EPHB4: variants seen among roughly 807,000 people sequenced by gnomAD.
EPHB4 encodes the protein EPH receptor B4, also known as ephrin type-B receptor 4.
Under a neutral mutation model 110.6 loss-of-function variants are expected in EPHB4, and 50 were observed. That is an observed-to-expected ratio of 0.45 (90% CI 0.36 to 0.57). The LOEUF (loss-of-function observed/expected upper bound fraction) is 0.57, where lower values mean the gene tolerates loss of function less well. Among genes scored for constraint, EPHB4 ranks in the 20% least tolerant of loss-of-function variants. EPHB4 has a pLI of 0.00. For missense variants in EPHB4, 1,128 were observed against 1,382.1 expected (o/e 0.82, Z 2.91); for synonymous variants, 592 against 578.4 (o/e 1.02, Z -0.34).
At position 100,813,061 on chromosome 7, in the gene EPHB4, G is replaced by T. The variant is rs201630645; in HGVS notation, c.1870+34C>A. On this transcript the variant is annotated intron_variant, in intron 11 of 16. Coordinates refer to ENST00000358173, the MANE Select transcript of EPHB4 (RefSeq NM_004444.5). ...GTGTGGCCCTGCCCACCCCCGCTTC[G>T]TTCCCAGGTGCCCGGGCAGCCTTCG... 27 of 1,612,924 alleles carry T rather than the reference G, an allele frequency of 1.7e-5. No homozygotes were observed. The African/African-American group carries it at 2.1e-4, about 13-fold the overall frequency.
intron 5 of EPHB4, 109 bp from the exon 6 acceptor site, chr7:100,819,998 G>C: frequency 6.8e-7 from 1 of 1,466,732 alleles, no homozygotes; most frequent in South Asian, 1.3e-5. Context: ...GAGACAGTGG[G>C]CTCCACATGT....
rs779375256 is a variant in EPHB4, at chr7:100,805,260, C to T, written c.2740G>A (p.Glu914Lys). The change falls in exon 16 of 17, where the codon GAG (glutamate) becomes AAG (lysine). Residue 914 changes from glutamate (E) to lysine (K), a missense_variant. Glu to Lys is a moderately conservative substitution (Grantham distance 56). Around this residue, in one of 3 missense-constraint regions of EPHB4, gnomAD observed 209 missense variants for 240.5 expected, o/e 0.87. Coordinates refer to ENST00000358173, the MANE Select transcript of EPHB4 (RefSeq NM_004444.5). ...PHYSAFGSVG[E>K]WLRAIKMGRY... is the part of the protein sequence containing the mutation. ...CCCATTTTGATGGCCCGAAGCCACT[C>T]GCCCACAGAGCCAAAAGCTGAGTAG... 5 of 1,613,670 alleles carry T rather than the reference C, an allele frequency of 3.1e-6. No individual in the cohort carries two copies. The highest frequency in any genetic ancestry group is 2.5e-6 in the Non-Finnish European group (3 of 1,179,832).
At position 100,812,796 on chromosome 7, in the gene EPHB4, AT is replaced by A; in HGVS notation, c.2068del (p.Met690Ter). The A allele has an allele frequency of 6.2e-7, 1 of 1,614,150 alleles. No homozygotes were observed. The highest frequency in any genetic ancestry group is 8.5e-7 in the Non-Finnish European group (1 of 1,180,024). ...GTTCTCCATGAACTCTGTGAGAATC[AT>A]GACGGGCATGCTGTTGGTGACCACG... ...EGVVTNSMPV[M>X]ILTEFMENGA... On this transcript the variant is annotated frameshift_variant, in exon 12 of 17. Transcript: ENST00000358173. LOFTEE classifies it high-confidence loss of function.
chr7:100,820,374 G>A (rs977217825), intron 4 of EPHB4, 78 bp from the exon 5 acceptor site: 15 of 1,501,482 alleles, frequency 1.0e-5, no homozygotes, highest in East Asian at 2.4e-5. Context: ...CTCATGCCTC[G>A]AATCCCAGCA....
rs1584666961 is a variant in EPHB4, at chr7:100,823,666, C to T, written c.389G>A (p.Trp130Ter). 1 of 1,613,032 alleles carries T rather than the reference C, an allele frequency of 6.2e-7. No homozygotes were observed. The highest frequency in any genetic ancestry group is 8.5e-7 in the Non-Finnish European group (1 of 1,179,724). ...ADTATALTPA[W>*]MENPYIKVDT... ...TACCTTGATGTAGGGGTTCTCCATC[C>T]AGGCTGGCGTGAGGGCCGTGGCCGT... is the stretch of plus-strand genomic sequence containing the variant. Residue 130 changes from tryptophan to a stop codon, truncating the protein, a stop_gained, in exon 3 of 17, where the codon TGG (tryptophan) becomes TAG (stop). Transcript: ENST00000358173. LOFTEE classifies it high-confidence loss of function.
Position 100,803,229 on chromosome 7 carries a change from G to C in EPHB4, c.*232C>G. The C allele has an allele frequency of 4.6e-6, 2 of 432,884 alleles. No individual in the cohort carries two copies. Among genetic ancestry groups the C allele is most frequent in the South Asian group, 1.0e-4 (2 of 19,146 alleles). The allele number at this position is 432,884 out of a possible 1,614,324, so 26.8% of individuals were successfully genotyped here. ...TTTTCCTCTGGTCACACCCAGTCCT[G>C]AGGGAAAGGCGCCCTCACCCTTGGT... On this transcript the variant is annotated 3_prime_UTR_variant, in exon 17 of 17. Coordinates refer to ENST00000358173, the MANE Select transcript of EPHB4 (RefSeq NM_004444.5).
At position 100,823,635 on chromosome 7, in the gene EPHB4, C is replaced by T; in HGVS notation, c.411+9G>A. ...TGGCTGTGGCTGAGCCCTGGGGGCA[C>T]CCAGGTACCTTGATGTAGGGGTTCT... On this transcript the variant is annotated intron_variant, in intron 3 of 16. Transcript: ENST00000358173. The T allele has an allele frequency of 6.2e-7, 1 of 1,610,044 alleles. No homozygotes were observed. The highest frequency in any genetic ancestry group is 1.1e-5 in the South Asian group (1 of 90,988).
At position 100,812,959 on chromosome 7, in the gene EPHB4, C is replaced by T; in HGVS notation, c.1906G>A (p.Ala636Thr). ...ACACAGCTCTCCTTCTTCCCTGGGG[C>T]CTTGAGCCGCCCCCGGCACACCTCG... is the stretch of plus-strand genomic sequence containing the variant. ...FGEVCRGRLK[A>T]PGKKESCVAI... The change falls in exon 12 of 17, where the codon GCC becomes ACC. Residue 636 changes from alanine to threonine, a missense_variant. Physicochemically the swap from Ala to Thr is moderately conservative, Grantham distance 58. Around this residue, in one of 3 missense-constraint regions of EPHB4, gnomAD observed 191 missense variants for 313.0 expected, o/e 0.61. Coordinates refer to ENST00000358173, the MANE Select transcript of EPHB4 (RefSeq NM_004444.5). 6.2e-7 allele frequency: 1 copy of T among 1,613,976 alleles called. No individual in the cohort carries two copies. The highest frequency in any genetic ancestry group is 1.1e-5 in the South Asian group (1 of 91,082).
intron 16 of EPHB4, among the ~76,000 whole-genome samples, chr7:100,804,499 G>A (rs1371523726): frequency 6.6e-6 from 1 of 151,592 alleles, no homozygotes; most frequent in Non-Finnish European, 1.5e-5. Context: ...ATTTTTAGTA[G>A]ACATAAGGTT....
Position 100,803,532 on chromosome 7 carries a change from C to T in EPHB4, c.2893G>A (p.Val965Ile), listed in dbSNP as rs767280149. The T allele has an allele frequency of 3.1e-6, 5 of 1,601,538 alleles. No homozygotes were observed. The South Asian group carries it at 4.5e-5, about 14-fold the overall frequency. The change falls in exon 17 of 17, where the codon GTC (valine) becomes ATC (isoleucine). Residue 965 changes from valine (V) to isoleucine (I), a missense_variant. Physicochemically the swap from Val to Ile is conservative, Grantham distance 29 (BLOSUM62 3). This residue lies in a region of EPHB4 where 209 missense variants were observed against 240.5 expected (regional missense o/e 0.87). Transcript: ENST00000358173. ...AGHQKKILAS[V>I]QHMKSQAKPG... Reference sequence around the variant, plus strand: ...TTGGCCTGGGACTTCATGTGCTGGACACTGGCCAAGATTTTCTTCTGGTGT... The same window carrying T: ...TTGGCCTGGGACTTCATGTGCTGGATACTGGCCAAGATTTTCTTCTGGTGT...
At chr7:100,812,609 G>T in intron 12 of EPHB4, 138 bp downstream of exon 12, 1 of 1,237,544 alleles carries the variant, frequency 8.1e-7, no homozygotes, top group Non-Finnish European at 1.1e-6. Flanking sequence ...AAAGGCAGAG[G>T]ACCAGGGCTT....
At chr7:100,804,759 C>A (rs1812777815) in intron 16 of EPHB4, among the ~76,000 whole-genome samples, 1 of 152,164 alleles carries the variant, frequency 6.6e-6, no homozygotes, top group South Asian at 2.1e-4. Context: ...AATCATAAAA[C>A]CATTTCACAT....
intron 7 of EPHB4, among the ~76,000 whole-genome samples, chr7:100,817,771 C>G (rs780155655): frequency 5.9e-5 from 9 of 151,490 alleles, no homozygotes; most frequent in Non-Finnish European, 1.3e-4. Flanking sequence ...CCCAGGTGTT[C>G]TACCCACCTC....
rs907859708 is a variant in EPHB4, at chr7:100,806,170, G to A, written c.2484+250C>T. 1.3e-5 allele frequency: 4 copies of A among 312,214 alleles called. No individual in the cohort carries two copies. The Admixed American group carries it at 1.5e-4, about 11-fold the overall frequency. 19.3% of individuals were successfully genotyped at this position (312,214 alleles called of 1,614,324 possible). On this transcript the variant is annotated intron_variant, in intron 14 of 16. Transcript: ENST00000358173. ...AGACGGGGTTTCACCATGTTGGCCAGGCTGGTCTTGAACTCCTAACCTTAG... is the reference window on the plus strand; with the variant it reads ...AGACGGGGTTTCACCATGTTGGCCAAGCTGGTCTTGAACTCCTAACCTTAG...
intron 7 of EPHB4, 138 bp downstream of exon 7, chr7:100,818,382 G>GGGCTTA: frequency 7.6e-7 from 1 of 1,321,948 alleles, no homozygotes; most frequent in Non-Finnish European, 1.0e-6. Context: ...ACAGGCCAAG[G>GGGCTTA]GGCTTACCCA....
intron 9 of EPHB4, 39 bp from the exon 10 acceptor site, chr7:100,813,755 C>A: frequency 6.2e-7 from 1 of 1,613,602 alleles, no homozygotes; most frequent in South Asian, 1.1e-5. Context: ...TAAACTGAGT[C>A]ACACATCTTT....
chr7:100,821,997 C>A (rs1405935992), intron 4 of EPHB4, among the ~76,000 whole-genome samples: 1 of 151,962 alleles, frequency 6.6e-6, no homozygotes, highest in Non-Finnish European at 1.5e-5. Flanking sequence ...CCCGTCTCTA[C>A]TAAAATACAA....
At chr7:100,805,769 G>T in intron 14 of EPHB4, 75 bp from the exon 15 acceptor site, 1 of 1,343,846 alleles carries the variant, frequency 7.4e-7, no homozygotes, top group Non-Finnish European at 9.7e-7. Flanking sequence ...AGGAAATGGT[G>T]ACTTGGAAGA....
rs1049858988 is a variant in EPHB4, at chr7:100,822,274, G to C, written c.805C>G (p.Arg269Gly). Residue 269 changes from arginine (R) to glycine (G), a missense_variant, in exon 4 of 17, where the codon CGA becomes GGA. By Grantham distance (125) the Arg-to-Gly change is moderately radical. Transcript: ENST00000358173. The surrounding 1 kb of genome is among the most constrained non-coding windows in gnomAD (Gnocchi z 4.7). Reference protein sequence around the residue: ...FEAAEGNTKCRACAQGTFKPL... With the variant: ...FEAAEGNTKCGACAQGTFKPL... ...CAGGGGAAGCTCCAGCTCTCACCTC[G>C]GCACTTGGTGTTCCCCTCAGCTGCC... The C allele has an allele frequency of 6.4e-6, 10 of 1,559,128 alleles. No homozygotes were observed. Among genetic ancestry groups the C allele is most frequent in the Non-Finnish European group, 7.8e-6 (9 of 1,151,158 alleles).
Sources: gnomAD v4.1 joint callset for allele counts (sites outside exome capture counted in the v4.1 genomes callset) on GRCh38, gnomAD v4.1.1 for gene constraint, gnomAD v4.1.1 regional missense constraint, Gnocchi (gnomAD v3.1) non-coding constraint, MANE v1.5 for transcripts, NCBI Gene and HGNC (gene_info 2026-07-23, HGNC 2026-07-21) for gene names.